Variants in ARHGEF9 observed in about 807,000 individuals in gnomAD.
ARHGEF9 encodes the protein rho guanine nucleotide exchange factor 9.
ARHGEF9 carries 2 observed loss-of-function variants against 41.3 expected under a neutral mutation model. The observed-to-expected ratio is 0.05, with a 90% CI of 0.02 to 0.15. The LOEUF (loss-of-function observed/expected upper bound fraction) is 0.15. Among genes scored for constraint, ARHGEF9 ranks in the 10% least tolerant of loss-of-function variants. ARHGEF9 has a pLI of 1.00. For missense variants in ARHGEF9, 225 were observed against 424.7 expected, an observed-to-expected ratio of 0.53 and a Z score of 4.13; for synonymous variants, 160 against 154.4, an observed-to-expected ratio of 1.04 and a Z score of -0.27.
intron 2 of ARHGEF9, among the ~76,000 whole-genome samples, chrX:63,723,413 A>C (rs1556414927): frequency 9.0e-6 from 1 of 111,060 alleles, no homozygotes; most frequent in East Asian, 2.8e-4. Flanking sequence ...GGGCCCTTCA[A>C]CCTCTAGGAG....
chrX:63,775,641 A>G (rs2056281100), intron 1 of ARHGEF9, among the ~76,000 whole-genome samples: 1 of 111,634 alleles, frequency 9.0e-6, no homozygotes, highest in African/African-American at 3.3e-5. Flanking sequence ...CATGGACACA[A>G]AGAATGGAGC....
Position 63,655,650 on chromosome X carries a change from C to A in ARHGEF9, c.1165G>T (p.Asp389Tyr). 8.3e-7 allele frequency: 1 copy of A among 1,211,159 alleles called. No homozygotes were observed. The highest frequency in any genetic ancestry group is 1.1e-6 in the Non-Finnish European group (1 of 895,227). The stretch of plus-strand genomic sequence containing the variant: ...TTCTTCATGCTGACATTGAAGTCAT[C>A]ATCTCTGCCATCCTCAATGTCAACT... ...EVVDIEDGRDDDFNVSMKNAF... is the reference protein window; with the variant it reads ...EVVDIEDGRDYDFNVSMKNAF... The change falls in exon 8 of 10, where the codon GAT becomes TAT. Residue 389 changes from aspartate (D) to tyrosine (Y), a missense_variant. Coordinates refer to ENST00000671741, the MANE Select transcript of ARHGEF9 (RefSeq NM_001353921.2).
chrX:63,719,801 A>C (rs1414649805), intron 2 of ARHGEF9: 3 of 294,496 alleles, frequency 1.0e-5, no homozygotes, highest in Non-Finnish European at 1.8e-5. Flanking sequence ...TTTGGCACTG[A>C]GGGACTAGCA....
intron 1 of ARHGEF9, among the ~76,000 whole-genome samples, chrX:63,750,415 G>T (rs2055551305): frequency 9.0e-6 from 1 of 111,348 alleles, no homozygotes; most frequent in African/African-American, 3.3e-5. Context: ...CTGTTTACCA[G>T]CTCCATTATC....
At chrX:63,753,723 A>G (rs1214599265) in intron 1 of ARHGEF9, among the ~76,000 whole-genome samples, 3 of 111,401 alleles carry the variant, frequency 2.7e-5, no homozygotes, top group African/African-American at 9.8e-5. Context: ...TAAATATCTT[A>G]AAGCTTTAAG....
At chrX:63,647,101 A>C (rs1456918885) in intron 8 of ARHGEF9, among the ~76,000 whole-genome samples, 6 of 111,819 alleles carry the variant, frequency 5.4e-5, no homozygotes, top group African/African-American at 2.0e-4. Context: ...ACTTTGCTGA[A>C]GTTGCTTATC....
At position 63,637,880 on chromosome X, in the gene ARHGEF9, GTC is replaced by G. The variant is rs1230132373; in HGVS notation, c.*146_*147del. ...TGTGTGTGTGTGTGTGTGTGTGTGTGTCTGTGTGTGTGTGTGTGTATGTGTAC... is the reference window on the plus strand; with the variant it reads ...TGTGTGTGTGTGTGTGTGTGTGTGTGTGTGTGTGTGTGTGTGTATGTGTAC... On this transcript the variant is annotated 3_prime_UTR_variant, in exon 10 of 10. Coordinates refer to ENST00000671741, the MANE Select transcript of ARHGEF9 (RefSeq NM_001353921.2). 78 of 387,066 alleles carry G rather than the reference GTC, an allele frequency of 2.0e-4. No individual in the cohort carries two copies. Among genetic ancestry groups the G allele is most frequent in the Middle Eastern group, 7.1e-4 (1 of 1,416 alleles). The allele number at this position is 387,066 out of a possible 1,213,427, so 31.9% of individuals were successfully genotyped here. A position where few individuals can be genotyped will look rare whatever the true frequency, so the allele number is the denominator to read the frequency against.
At chrX:63,655,453 C>A (rs1556334473) in intron 8 of ARHGEF9, 41 bp downstream of exon 8, 4 of 1,209,675 alleles carry the variant, frequency 3.3e-6, no homozygotes, top group Non-Finnish European at 4.5e-6. Context: ...CTCCTATGTT[C>A]TTCATAGCCA....
intron 1 of ARHGEF9, chrX:63,767,225 C>A: frequency 1.7e-6 from 1 of 584,519 alleles, no homozygotes; most frequent in South Asian, 2.2e-5. Flanking sequence ...TGAAGCTCTG[C>A]CTAAACAATA....
chrX:63,745,670 T>TG (rs782040216), intron 1 of ARHGEF9, among the ~76,000 whole-genome samples: 15 of 111,494 alleles, frequency 1.3e-4, no homozygotes, highest in Admixed American at 2.8e-4. Context: ...AAAAAAGGAA[T>TG]GGGGGCAGTG....
intron 2 of ARHGEF9, among the ~76,000 whole-genome samples, chrX:63,724,234 C>A (rs1316862840): frequency 2.7e-5 from 3 of 111,393 alleles, no homozygotes; most frequent in African/African-American, 9.8e-5. Flanking sequence ...TATTCAAAAA[C>A]CACCAAGGCC....
chrX:63,782,435 C>A (rs1556462804), intron 1 of ARHGEF9, among the ~76,000 whole-genome samples: 1 of 112,056 alleles, frequency 8.9e-6, no homozygotes, highest in African/African-American at 3.2e-5. Context: ...CTGGCTAACC[C>A]AGCACAAACT....
At position 63,635,448 on chromosome X, in the gene ARHGEF9, G is replaced by A; in HGVS notation, c.*2580C>T. The A allele has an allele frequency of 7.7e-6, 4 of 519,439 alleles. No homozygotes were observed. The highest frequency in any genetic ancestry group is 1.4e-5 in the Non-Finnish European group (4 of 284,775). The allele number at this position is 519,439 out of a possible 1,213,427, so 42.8% of individuals were successfully genotyped here. On this transcript the variant is annotated 3_prime_UTR_variant, in exon 10 of 10. Coordinates refer to ENST00000671741, the MANE Select transcript of ARHGEF9 (RefSeq NM_001353921.2). ...GAAATTACAACATTACAGAATTACT[G>A]GGGTTACCATTGCTGTCAGGACATA...
At chrX:63,725,016 C>T (rs2053873363) in intron 1 of ARHGEF9, 2 of 288,597 alleles carry the variant, frequency 6.9e-6, no homozygotes, top group African/African-American at 5.5e-5. Flanking sequence ...GTCCATCTCT[C>T]CTTGGTGCTT....
intron 2 of ARHGEF9, among the ~76,000 whole-genome samples, chrX:63,712,637 ATGGTT>A (rs1556407576): frequency 8.9e-6 from 1 of 111,922 alleles, no homozygotes; most frequent in East Asian, 2.8e-4. Context: ...GACAATGGTG[ATGGTT>A]ATACAACTTT....
In ARHGEF9 at chrX:63,635,221, T is replaced by A; in HGVS notation, c.*2807A>T. ...AAAAGATCACTATTTGGCTTCACAC[T>A]AGAATTGTTAGAACTCTCTTGTTGC... On this transcript the variant is annotated 3_prime_UTR_variant, in exon 10 of 10. Coordinates refer to ENST00000671741, the MANE Select transcript of ARHGEF9 (RefSeq NM_001353921.2). 3.8e-5 allele frequency: 11 copies of A among 288,990 alleles called. No homozygotes were observed. The highest frequency in any genetic ancestry group is 3.4e-4 in the East Asian group (3 of 8,775). 23.8% of individuals were successfully genotyped at this position (288,990 alleles called of 1,213,427 possible).
intron 3 of ARHGEF9, among the ~76,000 whole-genome samples, chrX:63,701,842 G>A (rs1255202189): frequency 1.6e-4 from 18 of 111,558 alleles, no homozygotes; most frequent in African/African-American, 5.9e-4. Context: ...GGACAGGTAG[G>A]GCCTATGGCA....
At chrX:63,764,123 G>GA in intron 1 of ARHGEF9, among the ~76,000 whole-genome samples, 1 of 111,753 alleles carries the variant, frequency 8.9e-6, no homozygotes, top group East Asian at 2.8e-4. Flanking sequence ...AATTTACAAG[G>GA]AAAAAACTAA....
At chrX:63,738,963 A>C in intron 1 of ARHGEF9, among the ~76,000 whole-genome samples, 1 of 111,563 alleles carries the variant, frequency 9.0e-6, no homozygotes, top group Non-Finnish European at 1.9e-5. Context: ...AACCACACTA[A>C]GGGAGAAAAG....
Sources: allele counts gnomAD v4.1 joint callset (sites outside exome capture counted in the v4.1 genomes callset), GRCh38; gene constraint gnomAD v4.1.1; transcripts MANE v1.5; gene names NCBI Gene and HGNC (gene_info 2026-07-23, HGNC 2026-07-21).